The following DGKB variants were observed in gnomAD, a reference collection of about 807,000 sequenced individuals.
The protein encoded by DGKB is diacylglycerol kinase beta.
Under a neutral mutation model 114.3 loss-of-function variants are expected in DGKB, and 67 were observed. The ratio of observed to expected loss-of-function variants is 0.59; its 90% CI spans 0.48 to 0.72. DGKB has a LOEUF of 0.72. DGKB is among the 30% of genes least tolerant of loss of function. The pLI is 0.00. For synonymous variants in DGKB, 398 were observed against 323.1 expected, an observed-to-expected ratio of 1.23 and a Z score of -2.49; for missense variants, 907 against 975.2, an observed-to-expected ratio of 0.93 and a Z score of 0.93.
chr7:14,404,786 C>T (rs1823673357), intron 21 of DGKB, among the ~76,000 whole-genome samples: 1 of 151,722 alleles, frequency 6.6e-6, no homozygotes, highest in Non-Finnish European at 1.5e-5. Context: ...TTGAATTGCT[C>T]CTCCTGCTCA....
chr7:14,741,804 G>T (rs73682523), intron 4 of DGKB, among the ~76,000 whole-genome samples: 9,030 of 152,228 alleles, frequency 0.059, 399 homozygotes, highest in Admixed American at 0.11. Flanking sequence ...AAGTTCAAAA[G>T]CCAGAAATAT....
At chr7:14,472,392 C>T (rs1376565097) in intron 21 of DGKB, among the ~76,000 whole-genome samples, 1 of 152,164 alleles carries the variant, frequency 6.6e-6, no homozygotes, top group Non-Finnish European at 1.5e-5. Flanking sequence ...TACAATGTGA[C>T]TTGTTCCTCC....
In DGKB at chr7:14,648,447, C is replaced by A. The variant is rs528832110; in HGVS notation, c.1135-18179G>T. 7.4e-4 allele frequency among the ~76,000 whole-genome samples: 113 copies of A among 152,130 alleles called. 2 individuals are homozygous for A. The East Asian group carries it at 0.017, about 23-fold the overall frequency. ...GCAGCTGAGGGTCCTCTCTGTTAGA[C>A]GGAAAACTAACAAACAGAAAGGACA... is the stretch of plus-strand genomic sequence containing the variant. On this transcript the variant is annotated intron_variant, in intron 13 of 25. Transcript: ENST00000402815.
At chr7:14,433,918 A>C (rs1009260786) in intron 21 of DGKB, among the ~76,000 whole-genome samples, 3 of 152,162 alleles carry the variant, frequency 2.0e-5, no homozygotes, top group African/African-American at 7.2e-5. Flanking sequence ...AAAATATTTT[A>C]ATGATTTTGT....
At chr7:14,581,109 G>T (rs972756740) in intron 18 of DGKB, among the ~76,000 whole-genome samples, 158 bp from the exon 19 acceptor site, 1 of 152,136 alleles carries the variant, frequency 6.6e-6, no homozygotes, top group Admixed American at 6.6e-5. Flanking sequence ...AATGAATTAT[G>T]GATAATTTGT....
intron 21 of DGKB, among the ~76,000 whole-genome samples, chr7:14,394,589 C>T (rs1225822810): frequency 6.6e-6 from 1 of 152,090 alleles, no homozygotes; most frequent in African/African-American, 2.4e-5. Context: ...AGCTTCAACC[C>T]ATCGAACATG....
At chr7:14,224,731 G>T (rs1584556172) in intron 23 of DGKB, among the ~76,000 whole-genome samples, 1 of 151,978 alleles carries the variant, frequency 6.6e-6, no homozygotes, top group South Asian at 2.1e-4. Flanking sequence ...CTTGTGGTGT[G>T]AAGTTTCTAA....
At chr7:14,358,190 C>T (rs946934026) in intron 21 of DGKB, among the ~76,000 whole-genome samples, 3 of 152,122 alleles carry the variant, frequency 2.0e-5, no homozygotes, top group Non-Finnish European at 4.4e-5. Context: ...AGAATGTTTT[C>T]CAACTTGGTT....
chr7:14,303,301 T>C (rs1307721050), intron 23 of DGKB, among the ~76,000 whole-genome samples: 1 of 152,294 alleles, frequency 6.6e-6, no homozygotes, highest in Non-Finnish European at 1.5e-5. Flanking sequence ...TATGCCATTT[T>C]AGAAACTTTA....
intron 6 of DGKB, 145 bp downstream of exon 6, chr7:14,718,397 C>G: frequency 1.7e-6 from 1 of 572,716 alleles, no homozygotes. Context: ...TGATCCTCAG[C>G]AGGAGGAAAT....
chr7:14,157,175 A>G (rs1783141563), intron 25 of DGKB, among the ~76,000 whole-genome samples: 1 of 152,150 alleles, frequency 6.6e-6, no homozygotes, highest in South Asian at 2.1e-4. Context: ...TAATTTAGCA[A>G]TTATCTGGAA....
chr7:14,235,312 C>A (rs1334683250), intron 23 of DGKB, among the ~76,000 whole-genome samples: 1 of 152,058 alleles, frequency 6.6e-6, no homozygotes, highest in Non-Finnish European at 1.5e-5. Context: ...AGGAAAAATA[C>A]AAGAATGGAA....
At chr7:14,159,452 A>G (rs1321952872) in intron 25 of DGKB, among the ~76,000 whole-genome samples, 6 of 152,208 alleles carry the variant, frequency 3.9e-5, no homozygotes. Flanking sequence ...TCAAAGGATC[A>G]TGAACTTTCC....
intron 4 of DGKB, 100 bp downstream of exon 4, chr7:14,753,828 G>T: frequency 1.3e-6 from 1 of 797,430 alleles, no homozygotes; most frequent in Non-Finnish European, 2.1e-6. Flanking sequence ...AAATCATATT[G>T]GTACAGAAGT....
chr7:14,421,790 C>G (rs1449770167), intron 21 of DGKB, among the ~76,000 whole-genome samples: 1 of 152,004 alleles, frequency 6.6e-6, no homozygotes, highest in African/African-American at 2.4e-5. Flanking sequence ...ATTAGAGATA[C>G]TTAGACATGT....
At chr7:14,741,760 C>T (rs1027908075) in intron 4 of DGKB, among the ~76,000 whole-genome samples, 3 of 152,080 alleles carry the variant, frequency 2.0e-5, no homozygotes, top group African/African-American at 4.8e-5. Context: ...CTTTTTGGGG[C>T]TTGTTGGTTT....
intron 21 of DGKB, among the ~76,000 whole-genome samples, chr7:14,475,294 T>C (rs1782003197): frequency 6.6e-6 from 1 of 152,164 alleles, no homozygotes; most frequent in Non-Finnish European, 1.5e-5. Flanking sequence ...CCTGTCGCAA[T>C]GTTGAAATCT....
intron 3 of DGKB, among the ~76,000 whole-genome samples, chr7:14,755,267 C>A (rs1834702450): frequency 6.6e-6 from 1 of 152,080 alleles, no homozygotes; most frequent in African/African-American, 2.4e-5. Flanking sequence ...AAATAGACTT[C>A]AACAGGTCAT....
intron 2 of DGKB, among the ~76,000 whole-genome samples, chr7:14,826,915 G>T (rs961993445): frequency 2.6e-5 from 4 of 152,114 alleles, no homozygotes; most frequent in Non-Finnish European, 5.9e-5. Flanking sequence ...TCTTAAAAAT[G>T]CACTACTGTG....
Sources: allele counts gnomAD v4.1 joint callset (sites outside exome capture counted in the v4.1 genomes callset), GRCh38; gene constraint gnomAD v4.1.1; transcripts MANE v1.5; gene names NCBI Gene and HGNC (gene_info 2026-07-23, HGNC 2026-07-21).